The following ANKRD31 variants were observed in gnomAD, a reference collection of about 807,000 sequenced individuals.
ANKRD31 encodes the protein ankyrin repeat domain-containing protein 31.
A neutral mutation model predicts 186.0 loss-of-function variants in ANKRD31; 147 were observed. The observed-to-expected ratio is 0.79, with a 90% CI of 0.69 to 0.91. ANKRD31 has a LOEUF of 0.91. ANKRD31 is among the 40% of genes least tolerant of loss of function. The probability of loss-of-function intolerance (pLI) is 0.00; values close to 1 mark genes in which losing one functional copy is unlikely to be tolerated. For missense variants in ANKRD31, 1,986 were observed against 2,148.8 expected (o/e 0.92, Z 1.50); for synonymous variants, 673 against 736.4 (o/e 0.91, Z 1.39).
intron 11 of ANKRD31, among the ~76,000 whole-genome samples, chr5:75,164,145 A>C (rs1344180032): frequency 2.0e-5 from 3 of 152,136 alleles, no homozygotes; most frequent in African/African-American, 7.2e-5. Context: ...AGCTCTATGG[A>C]GGGGTCCATG....
intron 2 of ANKRD31, among the ~76,000 whole-genome samples, chr5:75,224,174 T>C (rs1561550203): frequency 5.1e-5 from 6 of 117,930 alleles, no homozygotes; most frequent in African/African-American, 2.3e-4. Flanking sequence ...TATATATATA[T>C]ATATACACAC....
intron 22 of ANKRD31, among the ~76,000 whole-genome samples, chr5:75,102,611 C>T (rs1191688232): frequency 1.3e-5 from 2 of 152,216 alleles, no homozygotes; most frequent in Non-Finnish European, 2.9e-5. Flanking sequence ...CTTTGTTTAC[C>T]TTCTCAAGCC....
intron 2 of ANKRD31, among the ~76,000 whole-genome samples, chr5:75,226,985 G>GT (rs374141433): frequency 4.5e-4 from 66 of 147,800 alleles, no homozygotes; most frequent in Middle Eastern, 3.5e-3. Flanking sequence ...CACTCCCACG[G>GT]TTTTTTTTTT....
At chr5:75,093,257 G>A (rs1366451683) in intron 22 of ANKRD31, among the ~76,000 whole-genome samples, 2 of 152,128 alleles carry the variant, frequency 1.3e-5, no homozygotes, top group Non-Finnish European at 2.9e-5. Context: ...GAGACAGGCA[G>A]GTCACCTAAG....
chr5:75,089,551 G>A (rs1009315833), intron 23 of ANKRD31, among the ~76,000 whole-genome samples: 8 of 152,150 alleles, frequency 5.3e-5, no homozygotes, highest in Admixed American at 5.2e-4. Context: ...AAGAGGCAGA[G>A]GTTTCTGTGG....
chr5:75,166,068 T>C (rs1260570857), intron 11 of ANKRD31, among the ~76,000 whole-genome samples: 2 of 152,340 alleles, frequency 1.3e-5, no homozygotes, highest in East Asian at 3.9e-4. Flanking sequence ...AATAGTATTA[T>C]GTCTGGGATT....
At chr5:75,132,811 G>A (rs936029376) in intron 17 of ANKRD31, among the ~76,000 whole-genome samples, 4 of 152,148 alleles carry the variant, frequency 2.6e-5, no homozygotes, top group African/African-American at 4.8e-5. Context: ...GACTAACAGT[G>A]GATCTCTTGG....
At chr5:75,082,976 T>C (rs1379461290) in intron 24 of ANKRD31, among the ~76,000 whole-genome samples, 1 of 152,218 alleles carries the variant, frequency 6.6e-6, no homozygotes, top group East Asian at 1.9e-4. Flanking sequence ...AGAATTACTA[T>C]GTAATAAATA....
intron 17 of ANKRD31, among the ~76,000 whole-genome samples, chr5:75,128,842 C>T (rs1034575450): frequency 3.3e-5 from 5 of 152,090 alleles, no homozygotes; most frequent in African/African-American, 1.2e-4. Context: ...TGGTCTTTTC[C>T]CTCTATAAAA....
rs1221936029 is a variant in ANKRD31, at chr5:75,116,682, C to A, written c.4040-1G>T. On this transcript the variant is annotated splice_acceptor_variant, in intron 18 of 25. Transcript: ENST00000506364. LOFTEE classifies it high-confidence loss of function. ...TTAGACCGGACAGCAGGAATTTTTTCTTTAAAAAGTAAAATTAGAAAATAT... is the reference window on the plus strand; with the variant it reads ...TTAGACCGGACAGCAGGAATTTTTTATTTAAAAAGTAAAATTAGAAAATAT... 2 of 1,386,470 alleles carry A rather than the reference C, an allele frequency of 1.4e-6. No individual in the cohort carries two copies. Among genetic ancestry groups the A allele is most frequent in the Admixed American group, 2.6e-5 (1 of 38,182 alleles). 85.9% of individuals were successfully genotyped at this position (1,386,470 alleles called of 1,614,324 possible).
At chr5:75,229,864 C>CAAAAAAAAAAAAAAAAAAAAAA (rs1210080751) in intron 2 of ANKRD31, among the ~76,000 whole-genome samples, 4 of 37,848 alleles carry the variant, frequency 1.1e-4, no homozygotes, top group African/African-American at 4.6e-4. Flanking sequence ...GACTCTGTCT[C>CAAAAAAAAAAAAAAAAAAAAAA]AAAAAAAAAA....
intron 3 of ANKRD31, among the ~76,000 whole-genome samples, chr5:75,213,990 A>G (rs778308098): frequency 6.6e-6 from 1 of 152,260 alleles, no homozygotes; most frequent in Non-Finnish European, 1.5e-5. Flanking sequence ...CTGGTATTCA[A>G]TAAGCGTTTG....
intron 17 of ANKRD31, among the ~76,000 whole-genome samples, chr5:75,124,017 T>C (rs945236506): frequency 2.6e-5 from 4 of 152,042 alleles, no homozygotes; most frequent in Admixed American, 1.3e-4. Context: ...GGGAAAATAT[T>C]TGCAAACTAT....
At chr5:75,132,494 C>T (rs1436260868) in intron 17 of ANKRD31, among the ~76,000 whole-genome samples, 20 of 152,114 alleles carry the variant, frequency 1.3e-4, no homozygotes, top group Non-Finnish European at 4.4e-5. Context: ...ATGAACAAAG[C>T]CCCCAGGAAA....
At chr5:75,188,008 A>C (rs1383093806) in intron 10 of ANKRD31, among the ~76,000 whole-genome samples, 1 of 152,162 alleles carries the variant, frequency 6.6e-6, no homozygotes, top group Non-Finnish European at 1.5e-5. Context: ...CCAGCCTTGC[A>C]GAAATACTGC....
intron 10 of ANKRD31, among the ~76,000 whole-genome samples, chr5:75,176,929 T>C (rs1043323281): frequency 2.0e-5 from 3 of 152,004 alleles, no homozygotes; most frequent in Non-Finnish European, 4.4e-5. Context: ...AAGATCAAAC[T>C]ACTCCGAGCT....
intron 11 of ANKRD31, among the ~76,000 whole-genome samples, chr5:75,159,718 G>C (rs1032736599): frequency 6.6e-6 from 1 of 150,478 alleles, no homozygotes; most frequent in Admixed American, 6.6e-5. Flanking sequence ...TGCTTTAAAG[G>C]AAATACTAAA....
chr5:75,099,508 A>C (rs1352738706), intron 22 of ANKRD31, among the ~76,000 whole-genome samples: 3 of 152,208 alleles, frequency 2.0e-5, no homozygotes, highest in Non-Finnish European at 4.4e-5. Flanking sequence ...AAGGAATGAT[A>C]CCAGCTCCTC....
chr5:75,112,503 C>A lies in ANKRD31; in HGVS notation c.4243+10G>T. On this transcript the variant is annotated intron_variant, in intron 20 of 25. Coordinates refer to ENST00000506364, the MANE Select transcript of ANKRD31 (RefSeq NM_001372053.1). The stretch of plus-strand genomic sequence containing the variant: ...GAAAATATCATACTTGAGTATGAGT[C>A]TATATTTACCTGCATCTTCAGGGTT... 2.1e-6 allele frequency: 3 copies of A among 1,443,632 alleles called. No individual in the cohort carries two copies. The highest frequency in any genetic ancestry group is 2.5e-5 in the East Asian group (1 of 40,076). The allele number at this position is 1,443,632 out of a possible 1,614,324, so 89.4% of individuals were successfully genotyped here. A position where few individuals can be genotyped will look rare whatever the true frequency, so the allele number is the denominator to read the frequency against.
Sources: allele counts gnomAD v4.1 joint callset (sites outside exome capture counted in the v4.1 genomes callset), GRCh38; gene constraint gnomAD v4.1.1; transcripts MANE v1.5; gene names NCBI Gene and HGNC (gene_info 2026-07-23, HGNC 2026-07-21).